SUSD4: variants seen among roughly 807,000 people sequenced by gnomAD.
The protein encoded by SUSD4 is sushi domain-containing protein 4.
SUSD4 carries 41 observed loss-of-function variants against 50.5 expected under a neutral mutation model. That is an observed-to-expected ratio of 0.81 (90% CI 0.63 to 1.05). The LOEUF is 1.05. Ranked by LOEUF, SUSD4 falls within the 50% of genes least tolerant of loss-of-function variation. The probability of loss-of-function intolerance (pLI) is 0.00; values close to 1 mark genes in which losing one functional copy is unlikely to be tolerated. For missense variants in SUSD4, 580 were observed against 634.7 expected (o/e 0.91, Z 0.93); for synonymous variants, 257 against 257.3 (o/e 1.00, Z 0.01).
intron 5 of SUSD4, among the ~76,000 whole-genome samples, chr1:223,258,264 G>A (rs1661840667): frequency 6.6e-6 from 1 of 152,166 alleles, no homozygotes; most frequent in African/African-American, 2.4e-5. Flanking sequence ...GAGAGCTGGG[G>A]AGCCCTCCAC....
intron 2 of SUSD4, among the ~76,000 whole-genome samples, chr1:223,317,268 A>G (rs1666255972): frequency 6.6e-6 from 1 of 152,224 alleles, no homozygotes; most frequent in South Asian, 2.1e-4. Flanking sequence ...GTGCCATGAC[A>G]GTTTACAAAT....
intron 5 of SUSD4, among the ~76,000 whole-genome samples, chr1:223,261,411 C>A (rs1393647090): frequency 1.5e-5 from 2 of 130,112 alleles, no homozygotes; most frequent in African/African-American, 2.9e-5. Flanking sequence ...AGTCCCAGCT[C>A]CCCCTCTTCC....
At chr1:223,254,885 G>C (rs1012733015) in intron 5 of SUSD4, among the ~76,000 whole-genome samples, 1 of 149,452 alleles carries the variant, frequency 6.7e-6, no homozygotes, top group African/African-American at 2.4e-5. Context: ...TAATCACTCT[G>C]CTGTAATATA....
At chr1:223,307,816 T>C (rs902345640) in intron 2 of SUSD4, among the ~76,000 whole-genome samples, 2 of 152,186 alleles carry the variant, frequency 1.3e-5, no homozygotes, top group African/African-American at 4.8e-5. Context: ...GGTTTTGTTG[T>C]TGTTGTCGTA....
At chr1:223,302,513 CCAA>C (rs1665260788) in intron 2 of SUSD4, among the ~76,000 whole-genome samples, 2 of 152,250 alleles carry the variant, frequency 1.3e-5, no homozygotes, top group Middle Eastern at 3.4e-3. Context: ...TGTGCCTGCA[CCAA>C]CAACAGATGG....
intron 2 of SUSD4, among the ~76,000 whole-genome samples, chr1:223,360,001 G>C (rs1668883326): frequency 6.6e-6 from 1 of 152,058 alleles, no homozygotes; most frequent in Admixed American, 6.6e-5. Context: ...CATTGTCTTA[G>C]CCCCCTCCGC....
intron 2 of SUSD4, among the ~76,000 whole-genome samples, chr1:223,337,420 G>A (rs1174623954): frequency 1.3e-5 from 2 of 152,232 alleles, no homozygotes; most frequent in African/African-American, 4.8e-5. Context: ...ACTGTGTTGA[G>A]TGGATGAAAC....
intron 2 of SUSD4, among the ~76,000 whole-genome samples, chr1:223,345,169 C>T (rs1334153987): frequency 1.3e-5 from 2 of 152,180 alleles, no homozygotes; most frequent in South Asian, 2.1e-4. Flanking sequence ...AGTGAAAATG[C>T]TGTCCCCAAA....
chr1:223,319,471 C>T (rs928835597), intron 2 of SUSD4, among the ~76,000 whole-genome samples: 15 of 152,268 alleles, frequency 9.9e-5, no homozygotes, highest in Admixed American at 7.8e-4. Flanking sequence ...AATGCTTGCC[C>T]TTCTTAATAC....
intron 2 of SUSD4, chr1:223,360,100 T>C (rs1572141976): frequency 4.7e-6 from 2 of 428,460 alleles, no homozygotes; most frequent in South Asian, 1.7e-5. Context: ...CCTCATTTTA[T>C]AGATGAGGAA....
At chr1:223,297,148 TG>T (rs35823333) in intron 2 of SUSD4, among the ~76,000 whole-genome samples, 2 of 152,148 alleles carry the variant, frequency 1.3e-5, no homozygotes, top group African/African-American at 4.8e-5. Flanking sequence ...CAGAGAACAC[TG>T]GGACCACTGC....
intron 2 of SUSD4, among the ~76,000 whole-genome samples, chr1:223,341,224 T>G (rs1667738069): frequency 6.6e-6 from 1 of 152,168 alleles, no homozygotes; most frequent in African/African-American, 2.4e-5. Flanking sequence ...CACTATAACA[T>G]GGGAACCCGA....
At chr1:223,269,502 T>G (rs1318847023) in intron 3 of SUSD4, among the ~76,000 whole-genome samples, 1 of 152,196 alleles carries the variant, frequency 6.6e-6, no homozygotes, top group African/African-American at 2.4e-5. Context: ...CGCCACCCCT[T>G]GCTGCCAAGT....
chr1:223,242,848 T>G (rs1384830031), intron 5 of SUSD4, among the ~76,000 whole-genome samples: 2 of 152,182 alleles, frequency 1.3e-5, no homozygotes, highest in East Asian at 3.9e-4. Context: ...ACTCTGGCCC[T>G]GCCACAGGGT....
rs1659593171 is a variant in SUSD4, at chr1:223,227,458, C to T, written c.1061+136G>A. 3 of 1,213,552 alleles carry T rather than the reference C, an allele frequency of 2.5e-6. No individual in the cohort carries two copies. In the South Asian group the frequency reaches 4.7e-5, roughly 19 times the overall value. The allele number at this position is 1,213,552 out of a possible 1,614,324, so 75.2% of individuals were successfully genotyped here. Reference sequence around the variant, plus strand: ...GTCTCCAGCTTTGTGCTCAAAACATCCCAGAACATTGTTTTTGCTCTCCCC... The same window carrying T: ...GTCTCCAGCTTTGTGCTCAAAACATTCCAGAACATTGTTTTTGCTCTCCCC... On this transcript the variant is annotated intron_variant, in intron 7 of 8. Coordinates refer to ENST00000366878, the MANE Select transcript of SUSD4 (RefSeq NM_017982.4). This position sits in a 1 kb window ranked among gnomAD's most constrained non-coding sequence, Gnocchi z 4.5.
intron 2 of SUSD4, among the ~76,000 whole-genome samples, chr1:223,358,166 T>C (rs17539755): frequency 0.036 from 5,458 of 152,348 alleles, 158 homozygotes; most frequent in Non-Finnish European, 0.055. Context: ...ACACCAACGC[T>C]TATCTGAATG....
rs57599818 is a variant in SUSD4 at position 223,304,793 on chromosome 1, CATATATATATATATATATAT to C, written c.149-12162_149-12143del. Among the ~76,000 whole-genome samples the C allele has an allele frequency of 6.5e-3, 348 of 53,536 alleles. 2 individuals are homozygous for C. Among genetic ancestry groups the C allele is most frequent in the African/African-American group, 9.8e-3 (74 of 7,524 alleles). 35.1% of individuals were successfully genotyped at this position (53,536 alleles called of 152,430 possible). A position where few individuals can be genotyped will look rare whatever the true frequency, so the allele number is the denominator to read the frequency against. On this transcript the variant is annotated intron_variant, in intron 2 of 8. Transcript: ENST00000366878. ...TTAACCTCTCTGTGTCTCAGGTTTC[CATATATATATATATATATAT>C]ATATATATATATATATATATATATA... is the stretch of plus-strand genomic sequence containing the variant.
chr1:223,292,448 C>T lies in SUSD4; in HGVS notation c.352G>A (p.Val118Met), dbSNP rs1664551360. Residue 118 changes from valine (V) to methionine (M), a missense_variant, in exon 3 of 9, where the codon GTG becomes ATG. Physicochemically the swap from Val to Met is conservative, Grantham distance 21. Coordinates refer to ENST00000366878, the MANE Select transcript of SUSD4 (RefSeq NM_017982.4). ...GAAGTAAGCACTTTACCTTCTTGCA[C>T]ACAGATGGAATTATCACTTGGGATC... ...GWIPSDNSIC[V>M]QEDCRIPQIE... The T allele has an allele frequency of 2.5e-6, 4 of 1,614,016 alleles. No homozygotes were observed. The highest frequency in any genetic ancestry group is 3.4e-6 in the Non-Finnish European group (4 of 1,180,020).
chr1:223,252,298 G>A (rs1661388569), intron 5 of SUSD4, among the ~76,000 whole-genome samples: 1 of 150,644 alleles, frequency 6.6e-6, no homozygotes, highest in Non-Finnish European at 1.5e-5. Context: ...ACGGCCATGT[G>A]AAGACACAGA....
Sources: allele counts gnomAD v4.1 joint callset (sites outside exome capture counted in the v4.1 genomes callset), GRCh38; gene constraint gnomAD v4.1.1; non-coding constraint Gnocchi (gnomAD v3.1); transcripts MANE v1.5; gene names NCBI Gene and HGNC (gene_info 2026-07-23, HGNC 2026-07-21).